PRELP: variants seen among roughly 807,000 people sequenced by gnomAD.
PRELP encodes proline and arginine rich end leucine rich repeat protein.
Under a neutral mutation model 22.8 loss-of-function variants are expected in PRELP, and 16 were observed. That is an observed-to-expected ratio of 0.70 (90% CI 0.47 to 1.06). The LOEUF (loss-of-function observed/expected upper bound fraction) is 1.06. PRELP is among the 50% of genes least tolerant of loss of function. The pLI is 0.00. For missense variants in PRELP, 434 were observed against 485.2 expected (o/e 0.89, Z 0.99); for synonymous variants, 233 against 211.4 (o/e 1.10, Z -0.89).
chr1:203,479,509 C>T (rs1660962400), intron 1 of PRELP, among the ~76,000 whole-genome samples: 4 of 151,812 alleles, frequency 2.6e-5, no homozygotes, highest in Admixed American at 2.6e-4. Context: ...TGGAGACCAG[C>T]CTGGGCAACA....
chr1:203,477,049 G>A (rs1660923033), intron 1 of PRELP, among the ~76,000 whole-genome samples: 1 of 152,000 alleles, frequency 6.6e-6, no homozygotes, highest in Non-Finnish European at 1.5e-5. Flanking sequence ...GAGAGGGTCT[G>A]TCCCAAGGCA....
At chr1:203,476,079 T>C (rs939399479) in intron 1 of PRELP, 141 bp downstream of exon 1, 2 of 152,580 alleles carry the variant, frequency 1.3e-5, no homozygotes, top group African/African-American at 4.8e-5. Flanking sequence ...CTCAAATGAG[T>C]TCAAATTTAG....
intron 1 of PRELP, among the ~76,000 whole-genome samples, chr1:203,478,909 G>C (rs527508092): frequency 1.3e-5 from 2 of 152,276 alleles, no homozygotes; most frequent in South Asian, 4.1e-4. Flanking sequence ...AATTGGCAAA[G>C]ACTGCTTGAT....
chr1:203,479,101 A>C (rs1454964295), intron 1 of PRELP, among the ~76,000 whole-genome samples: 1 of 152,158 alleles, frequency 6.6e-6, no homozygotes, highest in Non-Finnish European at 1.5e-5. Context: ...CTCTGGGTCA[A>C]GGCATGGAGG....
At chr1:203,480,065 C>A (rs1474003589) in intron 1 of PRELP, among the ~76,000 whole-genome samples, 2 of 152,064 alleles carry the variant, frequency 1.3e-5, no homozygotes, top group East Asian at 1.9e-4. Context: ...TACAGTGAGA[C>A]CCCCATCTCA....
Position 203,487,099 on chromosome 1 carries a change from G to A in PRELP, c.*218G>A, listed in dbSNP as rs1437985348. The stretch of plus-strand genomic sequence containing the variant: ...TCCACCCAGTTGAAAGACACCCAGT[G>A]CACACCCAAACTCCTGGCCTTCTGT... On this transcript the variant is annotated 3_prime_UTR_variant, in exon 3 of 3. Coordinates refer to ENST00000343110, the MANE Select transcript of PRELP (RefSeq NM_002725.4). The A allele has an allele frequency of 7.5e-6, 4 of 531,478 alleles. No homozygotes were observed. In the African/African-American group the frequency reaches 7.6e-5, roughly 10 times the overall value. 32.9% of individuals were successfully genotyped at this position (531,478 alleles called of 1,614,324 possible). A position where few individuals can be genotyped will look rare whatever the true frequency, so the allele number is the denominator to read the frequency against.
Position 203,487,827 on chromosome 1 carries a change from A to T in PRELP, c.*946A>T, listed in dbSNP as rs1421134878. The T allele has an allele frequency of 6.6e-6, 1 of 152,186 alleles. No homozygotes were observed. Among genetic ancestry groups the T allele is most frequent in the Non-Finnish European group, 1.5e-5 (1 of 68,028 alleles). 9.4% of individuals were successfully genotyped at this position (152,186 alleles called of 1,614,324 possible). ...CGGCCCAGCCATTTCCACCCTCGGG[A>T]GGCGGCTCCTGAGAAACAGGGAGGA... is the stretch of plus-strand genomic sequence containing the variant. On this transcript the variant is annotated 3_prime_UTR_variant, in exon 3 of 3. Coordinates refer to ENST00000343110, the MANE Select transcript of PRELP (RefSeq NM_002725.4).
chr1:203,476,625 C>T (rs1011286159), intron 1 of PRELP, among the ~76,000 whole-genome samples: 3 of 152,086 alleles, frequency 2.0e-5, no homozygotes, highest in Non-Finnish European at 2.9e-5. Flanking sequence ...TAAGCAAGAG[C>T]GGGAGCTGGA....
At position 203,483,855 on chromosome 1, in the gene PRELP, T is replaced by G. The variant is rs371109575; in HGVS notation, c.671T>G (p.Met224Arg). Residue 224 changes from methionine to arginine, a missense_variant, in exon 2 of 3, where the codon ATG becomes AGG. Met to Arg is a moderately conservative substitution (Grantham distance 91). Transcript: ENST00000343110. The surrounding 1 kb of genome is among the most constrained non-coding windows in gnomAD (Gnocchi z 4.4). ...PDTFHGLKNLMQLNLAHNILR... is the reference protein window; with the variant it reads ...PDTFHGLKNLRQLNLAHNILR... Reference sequence around the variant, plus strand: ...ACCTTCCATGGCCTCAAGAACCTCATGCAGCTCAACCTGGCCCACAACATC... The same window carrying G: ...ACCTTCCATGGCCTCAAGAACCTCAGGCAGCTCAACCTGGCCCACAACATC... 5 of 1,614,148 alleles carry G rather than the reference T, an allele frequency of 3.1e-6. No homozygotes were observed. The South Asian group carries it at 3.3e-5, about 11-fold the overall frequency.
chr1:203,481,089 A>G (rs952710107), intron 1 of PRELP, among the ~76,000 whole-genome samples: 4 of 149,414 alleles, frequency 2.7e-5, no homozygotes, highest in Non-Finnish European at 5.9e-5. Flanking sequence ...ATTGGTGCCC[A>G]GTCCCTGGCA....
At chr1:203,481,774 G>A (rs1291945317) in intron 1 of PRELP, among the ~76,000 whole-genome samples, 4 of 152,186 alleles carry the variant, frequency 2.6e-5, no homozygotes, top group Non-Finnish European at 5.9e-5. Context: ...GTGTGTGAGT[G>A]TGCAGACTGG....
Position 203,490,155 on chromosome 1 carries a change from G to C in PRELP, c.*3274G>C, listed in dbSNP as rs911761018. 6.6e-6 allele frequency: 1 copy of C among 151,524 alleles called. No individual in the cohort carries two copies. The highest frequency in any genetic ancestry group is 6.6e-5 in the Admixed American group (1 of 15,188). 9.4% of individuals were successfully genotyped at this position (151,524 alleles called of 1,614,324 possible). On this transcript the variant is annotated 3_prime_UTR_variant, in exon 3 of 3. Coordinates refer to ENST00000343110, the MANE Select transcript of PRELP (RefSeq NM_002725.4). ...TTCTTATTATTTTTAAATAGAGGCA[G>C]GGTCTCATTATGTTGCCCAGGCTGG... is the stretch of plus-strand genomic sequence containing the variant.
At position 203,488,844 on chromosome 1, in the gene PRELP, C is replaced by T. The variant is rs1386666795; in HGVS notation, c.*1963C>T. ...CCTGCGTGTGTATATTGGTGGGAGG[C>T]ATAGAGGATGGATGTTCTAGAAATG... is the stretch of plus-strand genomic sequence containing the variant. On this transcript the variant is annotated 3_prime_UTR_variant, in exon 3 of 3. Coordinates refer to ENST00000343110, the MANE Select transcript of PRELP (RefSeq NM_002725.4). 1 of 152,128 alleles carries T rather than the reference C, an allele frequency of 6.6e-6. No individual in the cohort carries two copies. The highest frequency in any genetic ancestry group is 2.4e-5 in the African/African-American group (1 of 41,408). The allele number at this position is 152,128 out of a possible 1,614,324, so 9.4% of individuals were successfully genotyped here. A position where few individuals can be genotyped will look rare whatever the true frequency, so the allele number is the denominator to read the frequency against.
chr1:203,485,118 C>A (rs1326897823), intron 2 of PRELP, among the ~76,000 whole-genome samples: 1 of 150,410 alleles, frequency 6.6e-6, no homozygotes, highest in Non-Finnish European at 1.5e-5. Context: ...ATCGTTCACT[C>A]ATTTGGGATA....
intron 1 of PRELP, among the ~76,000 whole-genome samples, chr1:203,477,620 C>G (rs1660933211): frequency 6.6e-6 from 1 of 152,224 alleles, no homozygotes; most frequent in Admixed American, 6.5e-5. Context: ...TGTCTGGGCT[C>G]TCACAGAGGG....
chr1:203,483,881 C>T lies in PRELP; in HGVS notation c.697C>T (p.Leu233=). The part of the protein sequence containing the change: ...LMQLNLAHNI[L]RKMPPRVPTA... Reference sequence around the variant, plus strand: ...GCAGCTCAACCTGGCCCACAACATCCTGAGAAAGATGCCGCCCAGGGTCCC... The same window carrying T: ...GCAGCTCAACCTGGCCCACAACATCTTGAGAAAGATGCCGCCCAGGGTCCC... The change falls in exon 2 of 3, where the codon CTG becomes TTG. Residue 233 remains leucine, a synonymous_variant. Coordinates refer to ENST00000343110, the MANE Select transcript of PRELP (RefSeq NM_002725.4). The surrounding 1 kb of genome is among the most constrained non-coding windows in gnomAD (Gnocchi z 4.4). The T allele has an allele frequency of 2.5e-6, 4 of 1,614,216 alleles. No individual in the cohort carries two copies. Among genetic ancestry groups the T allele is most frequent in the Non-Finnish European group, 3.4e-6 (4 of 1,180,034 alleles).
intron 1 of PRELP, among the ~76,000 whole-genome samples, chr1:203,479,597 G>A (rs1212603568): frequency 2.6e-5 from 4 of 150,998 alleles, no homozygotes; most frequent in Non-Finnish European, 5.9e-5. Context: ...TAGCTGCTCA[G>A]GACGCTGAGA....
chr1:203,486,969 C>T lies in PRELP; in HGVS notation c.*88C>T. ...CCGGCCATTCGTTTTCTCTCTCTCC[C>T]TTTCTTTCTCCCAGCTTTGCCTCCC... On this transcript the variant is annotated 3_prime_UTR_variant, in exon 3 of 3. Transcript: ENST00000343110. The T allele has an allele frequency of 7.3e-7, 1 of 1,374,440 alleles. No homozygotes were observed. The highest frequency in any genetic ancestry group is 1.5e-5 in the South Asian group (1 of 67,792). The allele number at this position is 1,374,440 out of a possible 1,614,324, so 85.1% of individuals were successfully genotyped here. A position where few individuals can be genotyped will look rare whatever the true frequency, so the allele number is the denominator to read the frequency against.
At position 203,483,294 on chromosome 1, in the gene PRELP, GGCC is replaced by G. The variant is rs781533652; in HGVS notation, c.111_113del (p.Arg37_Pro38delinsSer). ...GGGACTGGGCCCGGGCGCAGACCCA[GGCC>G]CAGGCCCAGGCCCACACCCAGCTTT... On this transcript the variant is annotated inframe_deletion, in exon 2 of 3. Transcript: ENST00000343110. This position sits in a 1 kb window ranked among gnomAD's most constrained non-coding sequence, Gnocchi z 4.4. 6.2e-7 allele frequency: 1 copy of G among 1,613,638 alleles called. No individual in the cohort carries two copies. The highest frequency in any genetic ancestry group is 8.5e-7 in the Non-Finnish European group (1 of 1,179,736).
Sources: allele counts gnomAD v4.1 joint callset (sites outside exome capture counted in the v4.1 genomes callset), GRCh38; gene constraint gnomAD v4.1.1; non-coding constraint Gnocchi (gnomAD v3.1); transcripts MANE v1.5; gene names NCBI Gene and HGNC (gene_info 2026-07-23, HGNC 2026-07-21).